Variants in IQUB observed in about 807,000 individuals in gnomAD.
IQUB encodes the protein IQ motif and ubiquitin-like domain-containing protein.
Under a neutral mutation model 86.4 loss-of-function variants are expected in IQUB, and 86 were observed. That is an observed-to-expected ratio of 1.00 (90% CI 0.84 to 1.19). The LOEUF is 1.19. IQUB is among the 50% of genes most tolerant of loss of function. The probability of loss-of-function intolerance (pLI) is 0.00; values close to 1 mark genes in which losing one functional copy is unlikely to be tolerated. For missense variants in IQUB, 946 were observed against 916.9 expected (o/e 1.03, Z -0.41); for synonymous variants, 289 against 304.5 (o/e 0.95, Z 0.53).
chr7:123,455,526 CA>C (rs920330780), intron 12 of IQUB, among the ~76,000 whole-genome samples: 6 of 151,506 alleles, frequency 4.0e-5, no homozygotes, highest in Admixed American at 6.6e-5. Flanking sequence ...TTATTCATGC[CA>C]AAAAAAACTA....
chr7:123,517,372 T>C (rs1584640948), intron 1 of IQUB, among the ~76,000 whole-genome samples: 1 of 150,238 alleles, frequency 6.7e-6, no homozygotes, highest in Non-Finnish European at 1.5e-5. Flanking sequence ...CTACTAAAAA[T>C]ACAAAAAAAT....
Position 123,512,151 on chromosome 7 carries a change from T to C in IQUB, c.190A>G (p.Ser64Gly). The C allele has an allele frequency of 6.2e-7, 1 of 1,614,044 alleles. No individual in the cohort carries two copies. Among genetic ancestry groups the C allele is most frequent in the Non-Finnish European group, 8.5e-7 (1 of 1,179,924 alleles). The change falls in exon 2 of 13, where the codon AGT (serine) becomes GGT (glycine). Residue 64 changes from serine (S) to glycine (G), a missense_variant. Ser to Gly is a moderately conservative substitution (Grantham distance 56). Coordinates refer to ENST00000324698, the MANE Select transcript of IQUB (RefSeq NM_178827.5). ...TCCAGGCTTGAAAAGCTTTGGTCAC[T>C]CTGCTCCTCAACATGTATTGCATGG... ...ESHAIHVEEQSDQSFSSLEPD... is the reference protein window; with the variant it reads ...ESHAIHVEEQGDQSFSSLEPD...
intron 12 of IQUB, among the ~76,000 whole-genome samples, chr7:123,455,523 T>G (rs927925947): frequency 2.0e-5 from 3 of 152,124 alleles, no homozygotes; most frequent in Non-Finnish European, 4.4e-5. Context: ...AGTTTATTCA[T>G]GCCAAAAAAA....
At chr7:123,506,463 CT>C (rs1796180347) in intron 3 of IQUB, among the ~76,000 whole-genome samples, 1 of 152,222 alleles carries the variant, frequency 6.6e-6, no homozygotes, top group Middle Eastern at 3.4e-3. Flanking sequence ...ATTCCATGGG[CT>C]GTACAGGAAG....
intron 1 of IQUB, among the ~76,000 whole-genome samples, chr7:123,526,155 G>C (rs1054510333): frequency 2.2e-5 from 3 of 136,766 alleles, no homozygotes; most frequent in Non-Finnish European, 3.3e-5. Context: ...GTGTGGTGTG[G>C]TGCTGAAAAA....
intron 3 of IQUB, among the ~76,000 whole-genome samples, chr7:123,508,306 T>C (rs1371035171): frequency 6.6e-6 from 1 of 152,226 alleles, no homozygotes; most frequent in East Asian, 1.9e-4. Context: ...TTTATCTCAA[T>C]GAAATTAATT....
intron 6 of IQUB, among the ~76,000 whole-genome samples, chr7:123,498,779 A>C (rs1795815996): frequency 6.6e-6 from 1 of 152,196 alleles, no homozygotes; most frequent in South Asian, 2.1e-4. Flanking sequence ...AGTGGCTCAC[A>C]TTGTCCCTCA....
At chr7:123,520,863 T>C (rs1054852024) in intron 1 of IQUB, among the ~76,000 whole-genome samples, 1 of 152,130 alleles carries the variant, frequency 6.6e-6, no homozygotes, top group African/African-American at 2.4e-5. Context: ...GATTTAGTGA[T>C]GAACTAAATG....
chr7:123,503,269 C>T lies in IQUB; in HGVS notation c.627G>A (p.Leu209=). Residue 209 remains leucine (L), a synonymous_variant, in exon 4 of 13, where the codon CTG becomes CTA. Transcript: ENST00000324698. ...ATCCATCTATTCTTCTGACTGGATA[C>T]AGATCTGGATTTGTAGAAAAGATTT... ...QVEIFSTNPD[L]YPVRRIDGLT... 1 of 1,609,918 alleles carries T rather than the reference C, an allele frequency of 6.2e-7. No individual in the cohort carries two copies. The highest frequency in any genetic ancestry group is 8.5e-7 in the Non-Finnish European group (1 of 1,176,400).
chr7:123,502,299 TGTGACA>T (rs1795981961), intron 6 of IQUB: 1 of 308,944 alleles, frequency 3.2e-6, no homozygotes. Flanking sequence ...GTGATTCTAC[TGTGACA>T]AGATTTAAGG....
chr7:123,503,370 A>G lies in IQUB; in HGVS notation c.533-7T>C, dbSNP rs750360178. On this transcript the variant is annotated splice_region_variant and splice_polypyrimidine_tract_variant and intron_variant, in intron 3 of 12. Coordinates refer to ENST00000324698, the MANE Select transcript of IQUB (RefSeq NM_178827.5). ...TTATTTTTAAGAATTTTTCCTAAAA[A>G]TTGAAATAAAATTTTTAAAAGTTTT... is the stretch of plus-strand genomic sequence containing the variant. The G allele has an allele frequency of 2.0e-5, 29 of 1,441,574 alleles. No individual in the cohort carries two copies. Among genetic ancestry groups the G allele is most frequent in the Admixed American group, 4.7e-5 (2 of 42,768 alleles). 89.3% of individuals were successfully genotyped at this position (1,441,574 alleles called of 1,614,324 possible). A position where few individuals can be genotyped will look rare whatever the true frequency, so the allele number is the denominator to read the frequency against.
At chr7:123,488,814 T>C (rs1205110381) in intron 7 of IQUB, among the ~76,000 whole-genome samples, 1 of 152,196 alleles carries the variant, frequency 6.6e-6, no homozygotes, top group East Asian at 1.9e-4. Context: ...AGAGAGTTCA[T>C]ATATCCACCA....
chr7:123,452,891 T>C lies in IQUB; in HGVS notation c.2228A>G (p.His743Arg). 1 of 1,612,798 alleles carries C rather than the reference T, an allele frequency of 6.2e-7. No individual in the cohort carries two copies. Among genetic ancestry groups the C allele is most frequent in the Non-Finnish European group, 8.5e-7 (1 of 1,179,270 alleles). ...ATAGTTCTTAGCCAGGATATGTTTG[T>C]GTTTGATCTTGTGAATAAATGAGCG... is the stretch of plus-strand genomic sequence containing the variant. The part of the protein sequence containing the change: ...YERSFIHKIK[H>R]KHILAKNYFS... The change falls in exon 13 of 13, where the codon CAC becomes CGC. Residue 743 changes from histidine to arginine, a missense_variant. Transcript: ENST00000324698.
At chr7:123,473,401 A>G (rs1264654637) in intron 8 of IQUB, among the ~76,000 whole-genome samples, 3 of 152,198 alleles carry the variant, frequency 2.0e-5, no homozygotes, top group Non-Finnish European at 4.4e-5. Flanking sequence ...CATCAAATAA[A>G]TAAATGGCCT....
At chr7:123,504,468 C>T (rs1335128938) in intron 3 of IQUB, among the ~76,000 whole-genome samples, 4 of 152,088 alleles carry the variant, frequency 2.6e-5, no homozygotes, top group South Asian at 2.1e-4. Flanking sequence ...TAATAAAAGA[C>T]GTTTAACTGG....
chr7:123,465,376 G>T (rs759142487), intron 9 of IQUB, among the ~76,000 whole-genome samples: 2 of 151,852 alleles, frequency 1.3e-5, no homozygotes, highest in South Asian at 4.2e-4. Flanking sequence ...TCAAGAAAAT[G>T]ACTACCATGA....
At chr7:123,469,087 A>G (rs1794402597) in intron 9 of IQUB, 127 bp downstream of exon 9, 1 of 601,908 alleles carries the variant, frequency 1.7e-6, no homozygotes, top group Admixed American at 3.6e-5. Flanking sequence ...TAATGCATAA[A>G]CCACATCCTT....
At chr7:123,488,924 A>T (rs1795337095) in intron 7 of IQUB, among the ~76,000 whole-genome samples, 1 of 152,226 alleles carries the variant, frequency 6.6e-6, no homozygotes, top group African/African-American at 2.4e-5. Context: ...TTGTGGTTAT[A>T]TTTATACAAT....
chr7:123,519,921 A>C (rs966005862), intron 1 of IQUB, among the ~76,000 whole-genome samples: 1 of 152,204 alleles, frequency 6.6e-6, no homozygotes, highest in Non-Finnish European at 1.5e-5. Context: ...AATTATGTAT[A>C]AACAAAAATT....
Sources: allele counts gnomAD v4.1 joint callset (sites outside exome capture counted in the v4.1 genomes callset), GRCh38; gene constraint gnomAD v4.1.1; transcripts MANE v1.5; gene names NCBI Gene and HGNC (gene_info 2026-07-23, HGNC 2026-07-21).